The following CFAP77 variants were observed in gnomAD, a reference collection of about 807,000 sequenced individuals.
The protein encoded by CFAP77 is cilia and flagella associated protein 77, also known as cilia- and flagella-associated protein 77.
A neutral mutation model predicts 31.1 loss-of-function variants in CFAP77; 25 were observed. The ratio of observed to expected loss-of-function variants is 0.80; its 90% CI spans 0.59 to 1.12. CFAP77 has a LOEUF of 1.12. Among genes scored for constraint, CFAP77 ranks in the 50% most tolerant of loss-of-function variants. The pLI is 0.00. For missense variants in CFAP77, 377 were observed against 397.3 expected, an observed-to-expected ratio of 0.95 and a Z score of 0.44; for synonymous variants, 151 against 159.9, an observed-to-expected ratio of 0.94 and a Z score of 0.42.
chr9:132,538,293 C>T (rs1411772091), intron 4 of CFAP77, among the ~76,000 whole-genome samples: 1 of 152,210 alleles, frequency 6.6e-6, no homozygotes, highest in African/African-American at 2.4e-5. Flanking sequence ...GTAATCGCTG[C>T]TTCCCAGGCG....
chr9:132,490,618 G>C lies in CFAP77; in HGVS notation c.196-8077G>C, dbSNP rs1851637627. 1.3e-5 allele frequency among the ~76,000 whole-genome samples: 2 copies of C among 152,144 alleles called. No homozygotes were observed. Among genetic ancestry groups the C allele is most frequent in the African/African-American group, 4.8e-5 (2 of 41,432 alleles). ...CACCTCTGGCTCCAGGCCGCTCCCT[G>C]CTCTAAGTCCCCTTGGCCCTCTTAC... On this transcript the variant is annotated intron_variant, in intron 1 of 5. Coordinates refer to ENST00000393216, the MANE Select transcript of CFAP77 (RefSeq NM_001282957.2). This position sits in a 1 kb window ranked among gnomAD's most constrained non-coding sequence, Gnocchi z 4.6.
intron 1 of CFAP77, among the ~76,000 whole-genome samples, chr9:132,414,634 A>T (rs1036100830): frequency 1.3e-5 from 2 of 152,104 alleles, no homozygotes; most frequent in Non-Finnish European, 2.9e-5. Flanking sequence ...TCAGATTTGC[A>T]GGAAGGGAGT....
intron 5 of CFAP77, among the ~76,000 whole-genome samples, chr9:132,561,519 A>G (rs1297308478): frequency 6.6e-6 from 1 of 151,074 alleles, no homozygotes; most frequent in East Asian, 2.0e-4. Flanking sequence ...AGGGACCTGG[A>G]CTCAGAAAGT....
At chr9:132,523,073 G>T (rs1852297391) in intron 3 of CFAP77, among the ~76,000 whole-genome samples, 1 of 147,244 alleles carries the variant, frequency 6.8e-6, no homozygotes, top group Non-Finnish European at 1.5e-5. Flanking sequence ...TCACTGGTAG[G>T]CTTCTTTCTT....
chr9:132,484,409 C>T, intron 1 of CFAP77, among the ~76,000 whole-genome samples: 2 of 152,216 alleles, frequency 1.3e-5, no homozygotes, highest in East Asian at 3.8e-4. Context: ...CAGTCTCCCT[C>T]CAGCTGCAGG....
intron 1 of CFAP77, among the ~76,000 whole-genome samples, chr9:132,467,392 T>C (rs1441158509): frequency 6.6e-6 from 1 of 152,118 alleles, no homozygotes; most frequent in Non-Finnish European, 1.5e-5. Flanking sequence ...ACCATTCTCC[T>C]TTCTGTCTCT....
intron 1 of CFAP77, among the ~76,000 whole-genome samples, chr9:132,479,906 G>A (rs376625310): frequency 1.8e-4 from 28 of 152,284 alleles, no homozygotes; most frequent in Middle Eastern, 3.4e-3. Flanking sequence ...AAAGTGACGC[G>A]GCTATCAAGC....
intron 5 of CFAP77, among the ~76,000 whole-genome samples, chr9:132,558,770 T>G (rs1028580747): frequency 6.6e-6 from 1 of 151,730 alleles, no homozygotes; most frequent in Non-Finnish European, 1.5e-5. Flanking sequence ...CCCAGCACTT[T>G]GGGAGGCTAA....
intron 1 of CFAP77, among the ~76,000 whole-genome samples, chr9:132,478,198 T>A (rs1851383046): frequency 6.6e-6 from 1 of 152,038 alleles, no homozygotes; most frequent in Non-Finnish European, 1.5e-5. Flanking sequence ...CTTTGCTGAT[T>A]TTAGCCTGTA....
intron 1 of CFAP77, among the ~76,000 whole-genome samples, chr9:132,446,917 T>A (rs1030392536): frequency 1.3e-5 from 2 of 152,112 alleles, no homozygotes; most frequent in African/African-American, 2.4e-5. Flanking sequence ...AAATTAATTT[T>A]AAAAATAAAT....
intron 1 of CFAP77, among the ~76,000 whole-genome samples, chr9:132,415,218 T>C (rs1850075074): frequency 6.6e-6 from 1 of 152,194 alleles, no homozygotes; most frequent in Non-Finnish European, 1.5e-5. Flanking sequence ...CAGTTTCATT[T>C]TTCTAGAGAG....
chr9:132,463,386 G>A (rs1317512407), intron 1 of CFAP77, among the ~76,000 whole-genome samples: 1 of 152,172 alleles, frequency 6.6e-6, no homozygotes, highest in Non-Finnish European at 1.5e-5. Flanking sequence ...GGGGGCAGAA[G>A]CTTATTTTAT....
chr9:132,551,613 G>T (rs1301874223), intron 5 of CFAP77, among the ~76,000 whole-genome samples: 1 of 152,202 alleles, frequency 6.6e-6, no homozygotes, highest in African/African-American at 2.4e-5. Context: ...GGGTGCTTTC[G>T]TGAGTTATCC....
chr9:132,572,430 C>T lies in CFAP77; in HGVS notation c.775C>T (p.Gln259Ter). 1 of 1,613,310 alleles carries T rather than the reference C, an allele frequency of 6.2e-7. No individual in the cohort carries two copies. Among genetic ancestry groups the T allele is most frequent in the Non-Finnish European group, 8.5e-7 (1 of 1,180,028 alleles). Residue 259 changes from glutamine (Q) to a stop codon, truncating the protein, a stop_gained, in exon 6 of 6, where the codon CAG (glutamine) becomes TAG (stop). Coordinates refer to ENST00000393216, the MANE Select transcript of CFAP77 (RefSeq NM_001282957.2). LOFTEE classifies it high-confidence loss of function. ...TACGTTCCCCACGGAGGCCGATCGCCAGAGAGCATTAAAAGCCCACCGGGA... is the reference window on the plus strand; with the variant it reads ...TACGTTCCCCACGGAGGCCGATCGCTAGAGAGCATTAAAAGCCCACCGGGA... Reference protein sequence around the residue: ...LDTFPTEADRQRALKAHREEC... With the variant: ...LDTFPTEADR
At chr9:132,451,098 A>G (rs1426271227) in intron 1 of CFAP77, among the ~76,000 whole-genome samples, 1 of 152,176 alleles carries the variant, frequency 6.6e-6, no homozygotes, top group Non-Finnish European at 1.5e-5. Context: ...GCACTCTGGG[A>G]GGCCAAGGCA....
chr9:132,534,214 G>T (rs1006869352), intron 3 of CFAP77, among the ~76,000 whole-genome samples: 16 of 152,192 alleles, frequency 1.1e-4, no homozygotes, highest in Admixed American at 9.8e-4. Flanking sequence ...AGCAGCCACA[G>T]ATGAATGTTC....
At position 132,481,967 on chromosome 9, in the gene CFAP77, G is replaced by C. The variant is rs528706565; in HGVS notation, c.196-16728G>C. On this transcript the variant is annotated intron_variant, in intron 1 of 5. Transcript: ENST00000393216. The surrounding 1 kb of genome is among the most constrained non-coding windows in gnomAD (Gnocchi z 5.0). The stretch of plus-strand genomic sequence containing the variant: ...GAACAAGGGTTTATGGTTGGGGGGG[G>C]GGGGGGCGGCGGAACACTGAACATT... Among the ~76,000 whole-genome samples the C allele has an allele frequency of 1.9e-3, 286 of 151,458 alleles. 5 individuals are homozygous for C. In the East Asian group the frequency reaches 0.026, roughly 14 times the overall value.
intron 1 of CFAP77, among the ~76,000 whole-genome samples, chr9:132,478,801 C>T (rs977258457): frequency 1.3e-5 from 2 of 152,244 alleles, no homozygotes; most frequent in South Asian, 4.1e-4. Context: ...CATCTAAAGA[C>T]AAATCCTCAC....
intron 3 of CFAP77, among the ~76,000 whole-genome samples, chr9:132,504,960 C>A (rs1172095809): frequency 6.6e-6 from 1 of 152,258 alleles, no homozygotes; most frequent in African/African-American, 2.4e-5. Flanking sequence ...CATGTTAAAA[C>A]ACCAAATCCG....
Sources: allele counts gnomAD v4.1 joint callset (sites outside exome capture counted in the v4.1 genomes callset), GRCh38; gene constraint gnomAD v4.1.1; non-coding constraint Gnocchi (gnomAD v3.1); transcripts MANE v1.5; gene names NCBI Gene and HGNC (gene_info 2026-07-23, HGNC 2026-07-21).